The following CCDC6 variants were observed in gnomAD, a reference collection of about 807,000 sequenced individuals.
CCDC6 encodes the protein coiled-coil domain containing 6, also known as coiled-coil domain-containing protein 6.
A neutral mutation model predicts 56.6 loss-of-function variants in CCDC6; 20 were observed. The observed-to-expected ratio is 0.35, with a 90% confidence interval of 0.25 to 0.51. CCDC6 has a LOEUF of 0.51. CCDC6 is among the 20% of genes least tolerant of loss of function. The probability of loss-of-function intolerance (pLI) is 0.95; values close to 1 mark genes in which losing one functional copy is unlikely to be tolerated. For synonymous variants in CCDC6, 241 were observed against 234.4 expected (o/e 1.03, Z -0.26); for missense variants, 367 against 601.1 (o/e 0.61, Z 4.07).
chr10:59,792,225 T>A lies in CCDC6; in HGVS notation c.*692A>T, dbSNP rs1263609129. 2 of 275,328 alleles carry A rather than the reference T, an allele frequency of 7.3e-6. No homozygotes were observed. Among genetic ancestry groups the A allele is most frequent in the Non-Finnish European group, 7.0e-6 (1 of 143,230 alleles). 17.1% of individuals were successfully genotyped at this position (275,328 alleles called of 1,614,324 possible). A position where few individuals can be genotyped will look rare whatever the true frequency, so the allele number is the denominator to read the frequency against. On this transcript the variant is annotated 3_prime_UTR_variant, in exon 9 of 9. Transcript: ENST00000263102. Reference sequence around the variant, plus strand: ...ATTAAGGATAAAAAAGAGAATCACATCTTAATATACGATAATTATCCATCC... The same window carrying A: ...ATTAAGGATAAAAAAGAGAATCACAACTTAATATACGATAATTATCCATCC...
chr10:59,824,834 C>A (rs1045361433), intron 3 of CCDC6, among the ~76,000 whole-genome samples: 1 of 151,938 alleles, frequency 6.6e-6, no homozygotes, highest in Non-Finnish European at 1.5e-5. Flanking sequence ...ACAATGCAAA[C>A]GTTTGATTTG....
At chr10:59,844,762 A>AAAAG (rs1554884869) in intron 2 of CCDC6, among the ~76,000 whole-genome samples, 3 of 134,014 alleles carry the variant, frequency 2.2e-5, no homozygotes, top group East Asian at 2.1e-4. Context: ...AAAAAAAAAA[A>AAAAG]AGAGAGAGAG....
intron 1 of CCDC6, among the ~76,000 whole-genome samples, chr10:59,860,872 A>G (rs1295405021): frequency 6.6e-6 from 1 of 152,146 alleles, no homozygotes; most frequent in African/African-American, 2.4e-5. Context: ...AACATGGTGA[A>G]GTCCCATGTC....
Position 59,852,620 on chromosome 10 carries a change from GT to G in CCDC6, c.385del (p.Thr129ProfsTer4). 1 of 1,604,870 alleles carries G rather than the reference GT, an allele frequency of 6.2e-7. No homozygotes were observed. The highest frequency in any genetic ancestry group is 1.3e-5 in the African/African-American group (1 of 74,346). ...KIQALQKEKE[T>X]LAVNYEKEEE... ...TTCTTTCTCATAATTTACAGCAAGG[GT>G]TTCTTTCTCCTTCTGCAAAGCCTGA... On this transcript the variant is annotated frameshift_variant, in exon 2 of 9. Coordinates refer to ENST00000263102, the MANE Select transcript of CCDC6 (RefSeq NM_005436.5). LOFTEE classifies it high-confidence loss of function.
At position 59,792,921 on chromosome 10, in the gene CCDC6, G is replaced by T. The variant is rs777400554; in HGVS notation, c.1421C>A (p.Pro474His). Reference sequence around the variant, plus strand: ...AATTCAGACTAAGCTCATGCATTAAGGCTGGGAGGAGGGGTGCGCCGAATG... The same window carrying T: ...AATTCAGACTAAGCTCATGCATTAATGCTGGGAGGAGGGGTGCGCCGAATG... ...SQHSAHPSSQ[P>H] The change falls in exon 9 of 9, where the codon CCT becomes CAT. Residue 474 changes from proline (P) to histidine (H), a missense_variant. Coordinates refer to ENST00000263102, the MANE Select transcript of CCDC6 (RefSeq NM_005436.5). 1 of 1,610,434 alleles carries T rather than the reference G, an allele frequency of 6.2e-7. No individual in the cohort carries two copies. The highest frequency in any genetic ancestry group is 1.1e-5 in the South Asian group (1 of 90,418).
chr10:59,850,924 G>A (rs537598016), intron 2 of CCDC6, among the ~76,000 whole-genome samples: 1 of 151,688 alleles, frequency 6.6e-6, no homozygotes, highest in South Asian at 2.1e-4. Flanking sequence ...ATGTTCTTAT[G>A]TTTTCATTCT....
chr10:59,906,356 C>T lies in CCDC6; in HGVS notation c.69G>A (p.Met23Ile). 1 of 1,596,416 alleles carries T rather than the reference C, an allele frequency of 6.3e-7. No homozygotes were observed. Among genetic ancestry groups the T allele is most frequent in the Non-Finnish European group, 8.5e-7 (1 of 1,178,372 alleles). ...AGGNSSSSAA[M>I]QSSCSSTSGG... Reference sequence around the variant, plus strand: ...CCGAGGTCGACGAGCAGGACGACTGCATGGCGGCCGAGCTGCTGCTGTTGC... The same window carrying T: ...CCGAGGTCGACGAGCAGGACGACTGTATGGCGGCCGAGCTGCTGCTGTTGC... The change falls in exon 1 of 9, where the codon ATG (methionine) becomes ATA (isoleucine). Residue 23 changes from methionine to isoleucine, a missense_variant. By Grantham distance (10) the Met-to-Ile change is conservative. This residue lies in a region of CCDC6 where 79 missense variants were observed against 74.9 expected (regional missense o/e 1.05). Transcript: ENST00000263102.
At chr10:59,804,063 A>G (rs567911614) in intron 7 of CCDC6, among the ~76,000 whole-genome samples, 2 of 152,300 alleles carry the variant, frequency 1.3e-5, no homozygotes, top group African/African-American at 4.8e-5. Flanking sequence ...AGAACCCATA[A>G]AAGGTGTGCT....
chr10:59,886,378 G>A (rs2093994036), intron 1 of CCDC6, among the ~76,000 whole-genome samples: 1 of 152,120 alleles, frequency 6.6e-6, no homozygotes, highest in Admixed American at 6.5e-5. Context: ...AATATAAAGT[G>A]TTATACAGAC....
intron 1 of CCDC6, among the ~76,000 whole-genome samples, chr10:59,867,429 T>C (rs532773592): frequency 6.6e-6 from 1 of 152,330 alleles, no homozygotes; most frequent in South Asian, 2.1e-4. Flanking sequence ...GAAACATTTA[T>C]AATCTATTCT....
At chr10:59,896,415 A>G (rs1163516117) in intron 1 of CCDC6, among the ~76,000 whole-genome samples, 1 of 152,194 alleles carries the variant, frequency 6.6e-6, no homozygotes, top group Non-Finnish European at 1.5e-5. Context: ...GCGTAGGGCT[A>G]GGGCACTGCA....
At chr10:59,894,878 T>C (rs1369419161) in intron 1 of CCDC6, among the ~76,000 whole-genome samples, 1 of 152,144 alleles carries the variant, frequency 6.6e-6, no homozygotes, top group Non-Finnish European at 1.5e-5. Context: ...GGGAGTTTGC[T>C]ACCCTGGCAA....
At chr10:59,851,307 C>A (rs1198845609) in intron 2 of CCDC6, among the ~76,000 whole-genome samples, 2 of 152,094 alleles carry the variant, frequency 1.3e-5, no homozygotes, top group Non-Finnish European at 2.9e-5. Context: ...TCAAACTAAT[C>A]TTCTCCATCC....
At chr10:59,854,489 C>T (rs2071064227) in intron 1 of CCDC6, among the ~76,000 whole-genome samples, 1 of 152,188 alleles carries the variant, frequency 6.6e-6, no homozygotes, top group South Asian at 2.1e-4. Context: ...TCCAAGAGAG[C>T]TAAGCAACAA....
At chr10:59,887,283 C>A (rs1315501131) in intron 1 of CCDC6, among the ~76,000 whole-genome samples, 1 of 152,088 alleles carries the variant, frequency 6.6e-6, no homozygotes, top group Non-Finnish European at 1.5e-5. Flanking sequence ...GGCTACTTCA[C>A]AAGACTGATG....
At chr10:59,835,053 T>G (rs1362960275) in intron 2 of CCDC6, among the ~76,000 whole-genome samples, 1 of 152,252 alleles carries the variant, frequency 6.6e-6, no homozygotes. Context: ...GCTTTAACAG[T>G]ATCTACTAGT....
chr10:59,812,848 C>T, intron 4 of CCDC6, 53 bp from the exon 5 acceptor site: 4 of 1,351,218 alleles, frequency 3.0e-6, no homozygotes, highest in Non-Finnish European at 4.2e-6. Flanking sequence ...CTTGAAAAGA[C>T]AAAACAACAT....
At chr10:59,859,859 T>C (rs1023910958) in intron 1 of CCDC6, among the ~76,000 whole-genome samples, 1 of 139,882 alleles carries the variant, frequency 7.1e-6, no homozygotes, top group South Asian at 2.3e-4. Context: ...GAGGCCGGCA[T>C]ATCACTTGAG....
chr10:59,870,751 G>T (rs1483782228), intron 1 of CCDC6, among the ~76,000 whole-genome samples: 4 of 152,132 alleles, frequency 2.6e-5, no homozygotes, highest in Admixed American at 6.5e-5. Flanking sequence ...CTTTTCACAG[G>T]CTGGAATCGA....
Sources: gnomAD v4.1 joint callset for allele counts (sites outside exome capture counted in the v4.1 genomes callset) on GRCh38, gnomAD v4.1.1 for gene constraint, gnomAD v4.1.1 regional missense constraint, MANE v1.5 for transcripts, NCBI Gene and HGNC (gene_info 2026-07-23, HGNC 2026-07-21) for gene names.